The following NACAD variants were observed in gnomAD, a reference collection of about 807,000 sequenced individuals.
The protein encoded by NACAD is NAC-alpha domain-containing protein 1.
In NACAD, 47 loss-of-function variants were observed where a neutral mutation model predicts 98.9. The observed-to-expected ratio is 0.48, with a 90% CI of 0.38 to 0.61. The LOEUF is 0.61. NACAD is among the 20% of genes least tolerant of loss of function. The pLI, the probability that NACAD is intolerant of heterozygous loss-of-function variation, is 0.00. For missense variants in NACAD, 1,412 were observed against 1,748.2 expected, an observed-to-expected ratio of 0.81 and a Z score of 3.43; for synonymous variants, 696 against 767.2, an observed-to-expected ratio of 0.91 and a Z score of 1.53.
chr7:45,086,860 G>C (rs551999026), intron 1 of NACAD, among the ~76,000 whole-genome samples: 1 of 152,354 alleles, frequency 6.6e-6, no homozygotes, highest in South Asian at 2.1e-4. Flanking sequence ...AAGAGCACAG[G>C]ACAGCTTCAG....
chr7:45,082,504 C>A lies in NACAD; in HGVS notation c.3676G>T (p.Gly1226Cys). The change falls in exon 2 of 8, where the codon GGC becomes TGC. Residue 1226 changes from glycine to cysteine, a missense_variant. By Grantham distance (159) the Gly-to-Cys change is radical. Coordinates refer to ENST00000490531, the MANE Select transcript of NACAD (RefSeq NM_001146334.2). This position sits in a 1 kb window ranked among gnomAD's most constrained non-coding sequence, Gnocchi z 4.5. ...GTACCAGGAGCAGAAGGGTCAGGGC[C>A]CAGGGGCCTGTCCACGGGCGTGCTG... The part of the protein sequence containing the change: ...QPSTPVDRPL[G>C]PDPSAPGTLA... The A allele has an allele frequency of 6.5e-7, 1 of 1,549,666 alleles. No individual in the cohort carries two copies.
Position 45,080,934 on chromosome 7 carries a change from G to A in NACAD, c.4493C>T (p.Ala1498Val), listed in dbSNP as rs1268152298. ...SEPSALVPES[A>V]PRPRVRLECK... ...CTCCAGCCTCACCCGGGGCCTGGGT[G>A]CTGACTCAGGGACCAAGGCTGAGGG... The change falls in exon 6 of 8, where the codon GCA (alanine) becomes GTA (valine). Residue 1498 changes from alanine (A) to valine (V), a missense_variant. Ala to Val is a moderately conservative substitution (Grantham distance 64, BLOSUM62 0). Around this residue, in one of 5 missense-constraint regions of NACAD, gnomAD observed 88 missense variants for 105.4 expected, o/e 0.84. Coordinates refer to ENST00000490531, the MANE Select transcript of NACAD (RefSeq NM_001146334.2). 1 of 1,553,132 alleles carries A rather than the reference G, an allele frequency of 6.4e-7. No individual in the cohort carries two copies. Among genetic ancestry groups the A allele is most frequent in the Admixed American group, 2.0e-5 (1 of 51,124 alleles).
chr7:45,081,295 C>T, intron 4 of NACAD, 32 bp from the exon 5 acceptor site: 2 of 1,548,408 alleles, frequency 1.3e-6, no homozygotes, highest in Non-Finnish European at 8.7e-7. Flanking sequence ...GGGCTCAGAC[C>T]TGGTGTTGAC....
rs983295798 is a variant in NACAD at position 45,082,115 on chromosome 7, C to T, written c.4065G>A (p.Leu1355=). The change falls in exon 2 of 8, where the codon CTG becomes CTA. Residue 1355 remains leucine (L), a synonymous_variant. Transcript: ENST00000490531. This position sits in a 1 kb window ranked among gnomAD's most constrained non-coding sequence, Gnocchi z 4.5. The part of the protein sequence containing the change: ...APEQQEDEDS[L]EEDSPRALGS... ...TCCCACCCTCTGCCTTACCTTCCTC[C>T]AGGCTGTCCTCATCCTCTTGCTGCT... 1.4e-6 allele frequency: 2 copies of T among 1,470,618 alleles called. No individual in the cohort carries two copies. Among genetic ancestry groups the T allele is most frequent in the South Asian group, 1.4e-5 (1 of 69,738 alleles). The allele number at this position is 1,470,618 out of a possible 1,614,324, so 91.1% of individuals were successfully genotyped here. A position where few individuals can be genotyped will look rare whatever the true frequency, so the allele number is the denominator to read the frequency against.
In NACAD at chr7:45,085,920, C is replaced by T; in HGVS notation, c.260G>A (p.Gly87Glu). The change falls in exon 2 of 8, where the codon GGG (glycine) becomes GAG (glutamate). Residue 87 changes from glycine to glutamate, a missense_variant. This residue lies in a region of NACAD where 638 missense variants were observed against 722.7 expected (regional missense o/e 0.88). Transcript: ENST00000490531. The surrounding 1 kb of genome is among the most constrained non-coding windows in gnomAD (Gnocchi z 6.1). ...GGAPSAWADP[G>E]EGGPSPMLLP... The stretch of plus-strand genomic sequence containing the variant: ...GAGCATGGGGCTTGGGCCGCCCTCC[C>T]CTGGGTCCGCCCAGGCCGAGGGTGC... 4 of 1,544,954 alleles carry T rather than the reference C, an allele frequency of 2.6e-6. No individual in the cohort carries two copies. The highest frequency in any genetic ancestry group is 3.5e-6 in the Non-Finnish European group (4 of 1,144,734).
chr7:45,080,539 G>A lies in NACAD; in HGVS notation c.4675-16C>T, dbSNP rs749756119. The A allele has an allele frequency of 6.4e-7, 1 of 1,551,422 alleles. No homozygotes were observed. The highest frequency in any genetic ancestry group is 1.2e-5 in the South Asian group (1 of 84,064). ...TGGTCAGTTCCTGCAGAAAGAGATGGTCATGTTGGGGGAAGCACCCCGCAG... is the reference window on the plus strand; with the variant it reads ...TGGTCAGTTCCTGCAGAAAGAGATGATCATGTTGGGGGAAGCACCCCGCAG... On this transcript the variant is annotated splice_polypyrimidine_tract_variant and intron_variant, in intron 7 of 7. Coordinates refer to ENST00000490531, the MANE Select transcript of NACAD (RefSeq NM_001146334.2).
In NACAD at chr7:45,083,344, G is replaced by A. The variant is rs1784464049; in HGVS notation, c.2836C>T (p.Gln946Ter). 6.4e-7 allele frequency: 1 copy of A among 1,551,238 alleles called. No homozygotes were observed. The change falls in exon 2 of 8, where the codon CAA becomes TAA. Residue 946 changes from glutamine to a stop codon, truncating the protein, a stop_gained. Coordinates refer to ENST00000490531, the MANE Select transcript of NACAD (RefSeq NM_001146334.2). LOFTEE classifies it high-confidence loss of function. ...GPEPLAVATP[Q>*]TLQAEAGCAP... ...CAGCCTGCTTCTGCCTGCAAGGTTT[G>A]AGGGGTGGCCACAGCCAGAGGCTCT... is the stretch of plus-strand genomic sequence containing the variant.
chr7:45,082,745 T>C lies in NACAD; in HGVS notation c.3435A>G (p.Thr1145=), dbSNP rs1584010009. 1.9e-6 allele frequency: 3 copies of C among 1,545,388 alleles called. No individual in the cohort carries two copies. Among genetic ancestry groups the C allele is most frequent in the Non-Finnish European group, 2.6e-6 (3 of 1,144,260 alleles). Residue 1145 remains threonine, a synonymous_variant, in exon 2 of 8, where the codon ACA becomes ACG. Transcript: ENST00000490531. This position sits in a 1 kb window ranked among gnomAD's most constrained non-coding sequence, Gnocchi z 4.5. The part of the protein sequence containing the change: ...PEPTLPSAVA[T]EASLDSCPES... The stretch of plus-strand genomic sequence containing the variant: ...CTGGGCAGGAGTCCAGACTGGCCTC[T>C]GTGGCCACAGCTGAGGGAAGCGTGG...
chr7:45,082,865 A>G lies in NACAD; in HGVS notation c.3315T>C (p.Asp1105=), dbSNP rs10243185. The G allele has an allele frequency of 6.5e-7, 1 of 1,550,050 alleles. No homozygotes were observed. Among genetic ancestry groups the G allele is most frequent in the Non-Finnish European group, 8.7e-7 (1 of 1,146,832 alleles). Residue 1105 remains aspartate (D), a synonymous_variant, in exon 2 of 8, where the codon GAT becomes GAC. Transcript: ENST00000490531. The surrounding 1 kb of genome is among the most constrained non-coding windows in gnomAD (Gnocchi z 4.5). ...SALGGAREVP[D]APPAACPEVS... is the part of the protein sequence containing the mutation. ...CCTCAGGGCAGGCAGCAGGAGGCGCATCGGGGACCTCCCTTGCACCTCCAA... is the reference window on the plus strand; with the variant it reads ...CCTCAGGGCAGGCAGCAGGAGGCGCGTCGGGGACCTCCCTTGCACCTCCAA...
rs912994904 is a variant in NACAD at position 45,086,222 on chromosome 7, AG to A, written c.68-111del. The A allele has an allele frequency of 6.1e-5, 73 of 1,201,970 alleles. No homozygotes were observed. The African/African-American group carries it at 1.1e-3, about 18-fold the overall frequency. 74.5% of individuals were successfully genotyped at this position (1,201,970 alleles called of 1,614,324 possible). On this transcript the variant is annotated intron_variant, in intron 1 of 7. Transcript: ENST00000490531. ...ATAGGGCCCAGAGGAAGGTGGATCC[AG>A]GAAGGCAGGAGAGAAAAGAGAAGAC...
chr7:45,081,020 A>G lies in NACAD; in HGVS notation c.4407T>C (p.Ile1469=). ...TGTGCACTTGCTGGGACAGGTCCTCAATCTGCAAAATGGAAGACAGCTGTG... is the reference window on the plus strand; with the variant it reads ...TGTGCACTTGCTGGGACAGGTCCTCGATCTGCAAAATGGAAGACAGCTGTG... ...DTYVVFGEAK[I]EDLSQQVHKA... Residue 1469 remains isoleucine, a splice_region_variant and synonymous_variant, in exon 6 of 8, where the codon ATT becomes ATC. Coordinates refer to ENST00000490531, the MANE Select transcript of NACAD (RefSeq NM_001146334.2). The G allele has an allele frequency of 1.9e-6, 3 of 1,551,608 alleles. No homozygotes were observed. The highest frequency in any genetic ancestry group is 2.6e-6 in the Non-Finnish European group (3 of 1,146,928).
In NACAD at chr7:45,082,587, G is replaced by A. The variant is rs759782108; in HGVS notation, c.3593C>T (p.Pro1198Leu). The A allele has an allele frequency of 1.3e-6, 2 of 1,541,656 alleles. No homozygotes were observed. Among genetic ancestry groups the A allele is most frequent in the African/African-American group, 1.4e-5 (1 of 73,024 alleles). Residue 1198 changes from proline to leucine, a missense_variant, in exon 2 of 8, where the codon CCC becomes CTC. Coordinates refer to ENST00000490531, the MANE Select transcript of NACAD (RefSeq NM_001146334.2). This position sits in a 1 kb window ranked among gnomAD's most constrained non-coding sequence, Gnocchi z 4.5. ...CAGCAAGGGGGTGCCAAGGACACTG[G>A]GTACTTCGTGGGGTTGCTCAACACT... ...LGSVEQPHEV[P>L]SVLGTPLLQP...
chr7:45,080,801 G>A, intron 6 of NACAD, 39 bp from the exon 7 acceptor site: 2 of 1,549,828 alleles, frequency 1.3e-6, no homozygotes, highest in Non-Finnish European at 1.7e-6. Flanking sequence ...GGAGCTGCTT[G>A]AGGTCCCTGG....
At chr7:45,081,378 G>A in intron 4 of NACAD, 115 bp from the exon 5 acceptor site, 1 of 1,424,896 alleles carries the variant, frequency 7.0e-7, no homozygotes. Context: ...CCAAGACCTT[G>A]GGCTGGTGGT....
rs1405456854 is a variant in NACAD at position 45,084,712 on chromosome 7, C to G, written c.1468G>C (p.Val490Leu). 1 of 1,551,172 alleles carries G rather than the reference C, an allele frequency of 6.4e-7. No homozygotes were observed. The highest frequency in any genetic ancestry group is 2.0e-5 in the Admixed American group (1 of 50,946). ...TATVTPHTLQ[V>L]APGLQVEVAT... ...ACCTCCACCTGGAGGCCTGGGGCTA[C>G]CTGCAGAGTGTGAGGGGTCACAGTG... The change falls in exon 2 of 8, where the codon GTA becomes CTA. Residue 490 changes from valine (V) to leucine (L), a missense_variant. Physicochemically the swap from Val to Leu is conservative, Grantham distance 32. This residue lies in a region of NACAD where 638 missense variants were observed against 722.7 expected (regional missense o/e 0.88). Transcript: ENST00000490531.
Position 45,082,567 on chromosome 7 carries a change from A to T in NACAD, c.3613T>A (p.Leu1205Met), listed in dbSNP as rs1219737001. 1.3e-6 allele frequency: 2 copies of T among 1,546,640 alleles called. No individual in the cohort carries two copies. The highest frequency in any genetic ancestry group is 1.7e-4 in the Middle Eastern group (1 of 5,974). ...GCAAGGTTTTCTGGGGGCTGCAGCA[A>T]GGGGGTGCCAAGGACACTGGGTACT... ...HEVPSVLGTP[L>M]LQPPENLAKG... Residue 1205 changes from leucine to methionine, a missense_variant, in exon 2 of 8, where the codon TTG becomes ATG. Around this residue, in one of 5 missense-constraint regions of NACAD, gnomAD observed 572 missense variants for 639.6 expected, o/e 0.89. Coordinates refer to ENST00000490531, the MANE Select transcript of NACAD (RefSeq NM_001146334.2). The surrounding 1 kb of genome is among the most constrained non-coding windows in gnomAD (Gnocchi z 4.5).
chr7:45,082,286 G>A lies in NACAD; in HGVS notation c.3894C>T (p.Ser1298=), dbSNP rs945986605. The part of the protein sequence containing the change: ...TQPLGTGPRV[S]LSPHSPLLSP... ...TGAGGAGTGGGGAGTGAGGCGAGAG[G>A]CTGACTCGCGGCCCAGTCCCCAGAG... The change falls in exon 2 of 8, where the codon AGC becomes AGT. Residue 1298 remains serine, a synonymous_variant. Coordinates refer to ENST00000490531, the MANE Select transcript of NACAD (RefSeq NM_001146334.2). The surrounding 1 kb of genome is among the most constrained non-coding windows in gnomAD (Gnocchi z 4.5). 7 of 1,550,500 alleles carry A rather than the reference G, an allele frequency of 4.5e-6. No homozygotes were observed. The highest frequency in any genetic ancestry group is 2.0e-5 in the Admixed American group (1 of 50,978).
rs1482060854 is a variant in NACAD at position 45,088,530 on chromosome 7, C to G, written c.67+298G>C. Among the ~76,000 whole-genome samples the G allele has an allele frequency of 6.6e-6, 1 of 152,236 alleles. No individual in the cohort carries two copies. Among genetic ancestry groups the G allele is most frequent in the East Asian group, 1.9e-4 (1 of 5,192 alleles). ...CAGCAGGCTGGCAGCTCGGTGCAAA[C>G]AACGGGATGCAGCGGGCGGGATGCG... is the stretch of plus-strand genomic sequence containing the variant. On this transcript the variant is annotated intron_variant, in intron 1 of 7. Coordinates refer to ENST00000490531, the MANE Select transcript of NACAD (RefSeq NM_001146334.2). The surrounding 1 kb of genome is among the most constrained non-coding windows in gnomAD (Gnocchi z 5.7).
At position 45,082,039 on chromosome 7, in the gene NACAD, A is replaced by G; in HGVS notation, c.4072+69T>C. 6.8e-7 allele frequency: 1 copy of G among 1,463,442 alleles called. No homozygotes were observed. The highest frequency in any genetic ancestry group is 1.8e-4 in the Middle Eastern group (1 of 5,456). The allele number at this position is 1,463,442 out of a possible 1,614,324, so 90.7% of individuals were successfully genotyped here. A position where few individuals can be genotyped will look rare whatever the true frequency, so the allele number is the denominator to read the frequency against. On this transcript the variant is annotated intron_variant, in intron 2 of 7. Transcript: ENST00000490531. The surrounding 1 kb of genome is among the most constrained non-coding windows in gnomAD (Gnocchi z 4.5). ...CGCCACCTCAGAGGCCCTCCAGCTCAGGACAGCTCTAAGGAGGAGTCCAGT... is the reference window on the plus strand; with the variant it reads ...CGCCACCTCAGAGGCCCTCCAGCTCGGGACAGCTCTAAGGAGGAGTCCAGT...
Sources: gnomAD v4.1 joint callset for allele counts (sites outside exome capture counted in the v4.1 genomes callset) on GRCh38, gnomAD v4.1.1 for gene constraint, gnomAD v4.1.1 regional missense constraint, Gnocchi (gnomAD v3.1) non-coding constraint, MANE v1.5 for transcripts, NCBI Gene and HGNC (gene_info 2026-07-23, HGNC 2026-07-21) for gene names.